Variants in TBXAS1 observed in about 807,000 individuals in gnomAD.
TBXAS1 encodes thromboxane A synthase 1.
TBXAS1 carries 48 observed loss-of-function variants against 60.7 expected under a neutral mutation model. The observed-to-expected ratio is 0.79, with a 90% confidence interval of 0.63 to 1.01. TBXAS1 has a LOEUF of 1.01. TBXAS1 is among the 50% of genes least tolerant of loss of function. The pLI is 0.00. For missense variants in TBXAS1, 685 were observed against 686.3 expected (o/e 1.00, Z 0.02); for synonymous variants, 287 against 269.7 (o/e 1.06, Z -0.63).
chr7:139,880,503 C>T (rs1344037703), intron 3 of TBXAS1, among the ~76,000 whole-genome samples: 1 of 152,174 alleles, frequency 6.6e-6, no homozygotes, highest in Non-Finnish European at 1.5e-5. Flanking sequence ...TACACTTGCT[C>T]CCACCCTGGG....
In TBXAS1 at chr7:139,922,099, CTTTTTTT is replaced by C. The variant is rs557582196; in HGVS notation, c.333+10787_333+10793del. ...ATGTCATTGAGAACTTTTTCTTTTT[CTTTTTTT>C]TTTTTTTTCCCCGAGATGGAGTTTT... On this transcript the variant is annotated intron_variant, in intron 4 of 12. Coordinates refer to ENST00000448866, the MANE Select transcript of TBXAS1 (RefSeq NM_001061.7). Among the ~76,000 whole-genome samples, 224 of 139,908 alleles carry C rather than the reference CTTTTTTT, an allele frequency of 1.6e-3. 1 individual carries two copies. Among genetic ancestry groups the C allele is most frequent in the African/African-American group, 5.5e-3 (210 of 38,242 alleles). The allele number at this position is 139,908 out of a possible 152,430, so 91.8% of individuals were successfully genotyped here.
chr7:139,829,039 C>A (rs537992242), upstream of TBXAS1: 200 of 387,620 alleles, frequency 5.2e-4, 1 homozygote, highest in Non-Finnish European at 2.2e-4. Flanking sequence ...TGAAGACTTC[C>A]TCTCAGAGTA....
At chr7:139,926,077 A>T (rs1032503090) in intron 4 of TBXAS1, among the ~76,000 whole-genome samples, 1 of 152,034 alleles carries the variant, frequency 6.6e-6, no homozygotes, top group Admixed American at 6.6e-5. Context: ...CTTCAGGGAT[A>T]TTGGCCTGTA....
intron 5 of TBXAS1, chr7:139,952,465 GA>G: frequency 7.0e-7 from 1 of 1,422,858 alleles, no homozygotes; most frequent in Non-Finnish European, 9.4e-7. Flanking sequence ...GAAATGCTCA[GA>G]ATGATGTATT....
At chr7:139,858,842 A>G (rs1225167620) in intron 1 of TBXAS1, among the ~76,000 whole-genome samples, 3 of 152,122 alleles carry the variant, frequency 2.0e-5, no homozygotes, top group African/African-American at 7.2e-5. Flanking sequence ...TTCATTATAA[A>G]GCATTTATTT....
At chr7:139,836,453 C>T (rs1259140981) in intron 1 of TBXAS1, among the ~76,000 whole-genome samples, 3 of 152,196 alleles carry the variant, frequency 2.0e-5, no homozygotes, top group Non-Finnish European at 4.4e-5. Flanking sequence ...CAGCATGGTA[C>T]TGGTATAAAA....
At chr7:139,866,060 T>C (rs1801397701) in intron 1 of TBXAS1, among the ~76,000 whole-genome samples, 1 of 152,200 alleles carries the variant, frequency 6.6e-6, no homozygotes, top group African/African-American at 2.4e-5. Context: ...TCAAAATACA[T>C]TGATGTAGCT....
At position 139,896,890 on chromosome 7, in the gene TBXAS1, G is replaced by A. The variant is rs1348677508; in HGVS notation, c.237-14335G>A. Among the ~76,000 whole-genome samples the A allele has an allele frequency of 6.6e-6, 1 of 152,164 alleles. No individual in the cohort carries two copies. The highest frequency in any genetic ancestry group is 2.4e-5 in the African/African-American group (1 of 41,434). On this transcript the variant is annotated intron_variant, in intron 3 of 12. Coordinates refer to ENST00000448866, the MANE Select transcript of TBXAS1 (RefSeq NM_001061.7). The surrounding 1 kb of genome is among the most constrained non-coding windows in gnomAD (Gnocchi z 4.0). ...GATGGAGAACCACTAGAGATTTATA[G>A]GGAATAGAACGACACAGTCAGCTTC...
At chr7:139,791,449 A>G (rs1315995912) in intron 4 of TBXAS1, among the ~76,000 whole-genome samples, 1 of 151,926 alleles carries the variant, frequency 6.6e-6, no homozygotes, top group East Asian at 1.9e-4. Context: ...TTCCCTTTGC[A>G]CTCTATGGGC....
chr7:139,839,854 C>T (rs1569497847), intron 1 of TBXAS1, among the ~76,000 whole-genome samples: 2 of 151,326 alleles, frequency 1.3e-5, no homozygotes, highest in South Asian at 4.2e-4. Context: ...AGGGCAAGAT[C>T]CTGTCTGTAG....
At chr7:139,792,919 A>G (rs967722524) in intron 4 of TBXAS1, among the ~76,000 whole-genome samples, 3 of 152,248 alleles carry the variant, frequency 2.0e-5, no homozygotes, top group Non-Finnish European at 2.9e-5. Flanking sequence ...AAGAAGAGCA[A>G]TAAGAATGCT....
intron 4 of TBXAS1, among the ~76,000 whole-genome samples, chr7:139,811,847 A>G (rs552142491): frequency 8.5e-5 from 13 of 152,258 alleles, no homozygotes; most frequent in African/African-American, 1.9e-4. Flanking sequence ...GTTAGTCTAC[A>G]TGACAGTGAC....
At chr7:139,792,925 ATGCT>A (rs1181511308) in intron 4 of TBXAS1, among the ~76,000 whole-genome samples, 1 of 152,226 alleles carries the variant, frequency 6.6e-6, no homozygotes, top group Non-Finnish European at 1.5e-5. Flanking sequence ...AGCAATAAGA[ATGCT>A]TGGTGCGAAG....
intron 8 of TBXAS1, among the ~76,000 whole-genome samples, chr7:139,959,467 A>G (rs914022724): frequency 3.3e-5 from 5 of 152,174 alleles, no homozygotes; most frequent in African/African-American, 9.7e-5. Flanking sequence ...TCAGTCCTCA[A>G]TGGGCAGTGT....
intron 5 of TBXAS1, among the ~76,000 whole-genome samples, chr7:139,940,892 C>A (rs537763692): frequency 6.6e-6 from 1 of 151,942 alleles, no homozygotes; most frequent in South Asian, 2.1e-4. Context: ...TGAAACTAAG[C>A]TAAAAAAATG....
chr7:139,800,983 C>T (rs1261395162), intron 4 of TBXAS1, among the ~76,000 whole-genome samples: 1 of 152,172 alleles, frequency 6.6e-6, no homozygotes, highest in African/African-American at 2.4e-5. Context: ...AGTGTCTCCC[C>T]ATCAATATCT....
intron 11 of TBXAS1, among the ~76,000 whole-genome samples, chr7:140,016,196 C>T (rs112715716): frequency 1.1e-3 from 170 of 151,974 alleles, no homozygotes; most frequent in African/African-American, 3.6e-3. Flanking sequence ...GGCGTGGTGG[C>T]GGGCGCCTGT....
In TBXAS1 at chr7:139,822,013, C is replaced by T. The variant is rs6953388; in HGVS notation, c.-79-7299C>T. 7.3e-3 allele frequency among the ~76,000 whole-genome samples: 1,113 copies of T among 152,342 alleles called. 11 individuals are homozygous for T. Among genetic ancestry groups the T allele is most frequent in the African/African-American group, 0.025 (1,033 of 41,580 alleles). Reference sequence around the variant, plus strand: ...GTGCTCCCTGTGAGCCAGAGCTCCACTAATCAGGCCACACGAGGAATTCAT... The same window carrying T: ...GTGCTCCCTGTGAGCCAGAGCTCCATTAATCAGGCCACACGAGGAATTCAT... On this transcript the variant is annotated intron_variant, in intron 4 of 16. Coordinates refer to the TBXAS1 transcript ENST00000336425.
At chr7:139,922,336 A>T (rs1485005978) in intron 4 of TBXAS1, among the ~76,000 whole-genome samples, 1 of 152,054 alleles carries the variant, frequency 6.6e-6, no homozygotes, top group Non-Finnish European at 1.5e-5. Context: ...TCCTGACCTC[A>T]GGTGATCTGC....
Sources: gnomAD v4.1 joint callset for allele counts (sites outside exome capture counted in the v4.1 genomes callset) on GRCh38, gnomAD v4.1.1 for gene constraint, Gnocchi (gnomAD v3.1) non-coding constraint, MANE v1.5 for transcripts, NCBI Gene and HGNC (gene_info 2026-07-23, HGNC 2026-07-21) for gene names.